The following CFAP206 variants were observed in gnomAD, a reference collection of about 807,000 sequenced individuals.
CFAP206 encodes the protein cilia and flagella associated protein 206.
A neutral mutation model predicts 65.4 loss-of-function variants in CFAP206; 53 were observed. The ratio of observed to expected loss-of-function variants is 0.81; its 90% CI spans 0.65 to 1.02. CFAP206 has a LOEUF of 1.02. CFAP206 is among the 50% of genes least tolerant of loss of function. The probability of loss-of-function intolerance (pLI) is 0.00; values close to 1 mark genes in which losing one functional copy is unlikely to be tolerated. For synonymous variants in CFAP206, 250 were observed against 254.4 expected (o/e 0.98, Z 0.17); for missense variants, 663 against 753.2 (o/e 0.88, Z 1.40).
Position 87,464,340 on chromosome 6 carries a change from G to A in CFAP206, c.*90G>A. On this transcript the variant is annotated 3_prime_UTR_variant, in exon 13 of 13. Transcript: ENST00000369562. ...ATTAACATCTATACAAATTAATTTT[G>A]TAGGGGTGGCACATTCATTGGTTGT... is the stretch of plus-strand genomic sequence containing the variant. 2.1e-6 allele frequency: 2 copies of A among 942,340 alleles called. No homozygotes were observed. Among genetic ancestry groups the A allele is most frequent in the Non-Finnish European group, 1.5e-6 (1 of 665,410 alleles). The allele number at this position is 942,340 out of a possible 1,614,324, so 58.4% of individuals were successfully genotyped here. A position where few individuals can be genotyped will look rare whatever the true frequency, so the allele number is the denominator to read the frequency against.
intron 11 of CFAP206, among the ~76,000 whole-genome samples, chr6:87,458,860 C>T (rs1297910655): frequency 2.0e-5 from 3 of 152,146 alleles, no homozygotes; most frequent in Middle Eastern, 3.4e-3. Flanking sequence ...AGGTGATGGA[C>T]ACCCCATTTA....
At position 87,439,778 on chromosome 6, in the gene CFAP206, C is replaced by T. The variant is rs968500423; in HGVS notation, c.1494+4725C>T. Among the ~76,000 whole-genome samples the T allele has an allele frequency of 4.0e-5, 6 of 151,826 alleles. No homozygotes were observed. The East Asian group carries it at 9.7e-4, about 24-fold the overall frequency. ...CATTTGTAGTGAAATTGTCGTAGACCATTTGTTTAATAGTCTCTCCTTTCC... is the reference window on the plus strand; with the variant it reads ...CATTTGTAGTGAAATTGTCGTAGACTATTTGTTTAATAGTCTCTCCTTTCC... On this transcript the variant is annotated intron_variant, in intron 11 of 12. Coordinates refer to ENST00000369562, the MANE Select transcript of CFAP206 (RefSeq NM_001031743.3).
At chr6:87,427,614 T>C (rs1768067621) in intron 8 of CFAP206, among the ~76,000 whole-genome samples, 1 of 152,206 alleles carries the variant, frequency 6.6e-6, no homozygotes, top group Non-Finnish European at 1.5e-5. Flanking sequence ...ATAAGAAACA[T>C]ATCTCACTGG....
intron 11 of CFAP206, chr6:87,444,644 A>G: frequency 3.5e-6 from 1 of 288,044 alleles, no homozygotes. Context: ...CAGCTGGAAA[A>G]GAGAGCCTAC....
intron 11 of CFAP206, among the ~76,000 whole-genome samples, chr6:87,460,099 CT>C (rs2127957912): frequency 6.6e-6 from 1 of 152,286 alleles, no homozygotes; most frequent in African/African-American, 2.4e-5. Flanking sequence ...ATGTTAGACA[CT>C]CAGTGATTAT....
chr6:87,419,122 T>G (rs944431501), intron 7 of CFAP206, among the ~76,000 whole-genome samples: 33 of 124,106 alleles, frequency 2.7e-4, no homozygotes, highest in African/African-American at 6.8e-4. Flanking sequence ...AAAACGTTTG[T>G]TTTTTTTTTT....
In CFAP206 at chr6:87,416,734, A is replaced by T. The variant is rs1366676487; in HGVS notation, c.538A>T (p.Lys180Ter). Reference sequence around the variant, plus strand: ...ATTTCTAACTCTTTCTAAGAAGGACAAAGAACGCCAGCTGAAAGAACTCAC... The same window carrying T: ...ATTTCTAACTCTTTCTAAGAAGGACTAAGAACGCCAGCTGAAAGAACTCAC... ...GTFLTLSKKD[K>*]ERQLKELTMI... The change falls in exon 6 of 13, where the codon AAA becomes TAA. Residue 180 changes from lysine to a stop codon, truncating the protein, a stop_gained. Transcript: ENST00000369562. LOFTEE classifies it high-confidence loss of function. 2 of 1,613,870 alleles carry T rather than the reference A, an allele frequency of 1.2e-6. No homozygotes were observed.
intron 8 of CFAP206, among the ~76,000 whole-genome samples, chr6:87,427,313 G>T (rs1768059559): frequency 1.3e-5 from 2 of 151,840 alleles, no homozygotes; most frequent in South Asian, 4.2e-4. Flanking sequence ...AATTTTTTTT[G>T]CATTTTTAGT....
chr6:87,428,801 T>C lies in CFAP206; in HGVS notation c.1136T>C (p.Val379Ala). The C allele has an allele frequency of 1.9e-6, 3 of 1,614,124 alleles. No homozygotes were observed. The highest frequency in any genetic ancestry group is 1.7e-6 in the Non-Finnish European group (2 of 1,179,948). Reference protein sequence around the residue: ...HLNGATVKTDVCRMKEHMEDR... With the variant: ...HLNGATVKTDACRMKEHMEDR... ...AATGGAGCGACTGTGAAAACTGATG[T>C]GTGTAGAATGAAAGAACACATGGGT... is the stretch of plus-strand genomic sequence containing the variant. The change falls in exon 9 of 13, where the codon GTG becomes GCG. Residue 379 changes from valine (V) to alanine (A), a missense_variant. Physicochemically the swap from Val to Ala is moderately conservative, Grantham distance 64 (BLOSUM62 0). Coordinates refer to ENST00000369562, the MANE Select transcript of CFAP206 (RefSeq NM_001031743.3).
intron 3 of CFAP206, among the ~76,000 whole-genome samples, chr6:87,412,972 A>G (rs1347754671): frequency 6.6e-6 from 1 of 152,180 alleles, no homozygotes; most frequent in African/African-American, 2.4e-5. Flanking sequence ...GCAGCTTTTT[A>G]TAAAATAAAA....
intron 12 of CFAP206, among the ~76,000 whole-genome samples, chr6:87,461,926 G>A (rs1033443453): frequency 2.0e-5 from 3 of 152,170 alleles, no homozygotes; most frequent in South Asian, 2.1e-4. Context: ...AGTCAGAAAA[G>A]GGGGAAGCCT....
chr6:87,430,151 C>T (rs1768131783), intron 9 of CFAP206, among the ~76,000 whole-genome samples: 1 of 152,162 alleles, frequency 6.6e-6, no homozygotes, highest in Admixed American at 6.5e-5. Flanking sequence ...ACACCTGCCA[C>T]ATATTGTCAT....
intron 9 of CFAP206, 54 bp downstream of exon 9, chr6:87,428,878 A>C (rs1768104944): frequency 6.8e-7 from 1 of 1,479,242 alleles, no homozygotes; most frequent in Non-Finnish European, 9.4e-7. Flanking sequence ...CTCTAGAATA[A>C]AGTCACTCTT....
intron 9 of CFAP206, among the ~76,000 whole-genome samples, chr6:87,430,157 G>A (rs557670885): frequency 6.6e-6 from 1 of 152,276 alleles, no homozygotes; most frequent in Admixed American, 6.5e-5. Context: ...GCCACATATT[G>A]TCATTGTTAG....
chr6:87,418,739 G>A (rs1488201088), intron 7 of CFAP206, among the ~76,000 whole-genome samples: 1 of 152,128 alleles, frequency 6.6e-6, no homozygotes, highest in African/African-American at 2.4e-5. Flanking sequence ...AACATTGTTT[G>A]GCAGGTAGTT....
chr6:87,416,718 T>G lies in CFAP206; in HGVS notation c.522T>G (p.Thr174=). 6.2e-7 allele frequency: 1 copy of G among 1,613,596 alleles called. No individual in the cohort carries two copies. The highest frequency in any genetic ancestry group is 8.5e-7 in the Non-Finnish European group (1 of 1,179,698). ...AGGCAGAGCTTGGGACATTTCTAAC[T>G]CTTTCTAAGAAGGACAAAGAACGCC... ...FPQAELGTFL[T]LSKKDKERQL... Residue 174 remains threonine, a synonymous_variant, in exon 6 of 13, where the codon ACT becomes ACG. Coordinates refer to ENST00000369562, the MANE Select transcript of CFAP206 (RefSeq NM_001031743.3).
At chr6:87,416,878 A>C in intron 6 of CFAP206, 51 bp downstream of exon 6, 1 of 1,483,356 alleles carries the variant, frequency 6.7e-7, no homozygotes, top group African/African-American at 1.4e-5. Flanking sequence ...TTAAAATTTA[A>C]CTTGCACAGT....
At chr6:87,447,739 T>C (rs1394965575) in intron 11 of CFAP206, among the ~76,000 whole-genome samples, 1 of 152,160 alleles carries the variant, frequency 6.6e-6, no homozygotes, top group Admixed American at 6.5e-5. Context: ...TTTGGAAGAA[T>C]ATCAGAAGAA....
chr6:87,458,404 T>C (rs1434089353), intron 11 of CFAP206, among the ~76,000 whole-genome samples: 1 of 152,120 alleles, frequency 6.6e-6, no homozygotes, highest in Non-Finnish European at 1.5e-5. Context: ...GTAGCCAAGA[T>C]TTGGAAGCAA....
Sources: allele counts gnomAD v4.1 joint callset (sites outside exome capture counted in the v4.1 genomes callset), GRCh38; gene constraint gnomAD v4.1.1; transcripts MANE v1.5; gene names NCBI Gene and HGNC (gene_info 2026-07-23, HGNC 2026-07-21).